APMAP: variants seen among roughly 807,000 people sequenced by gnomAD.
The protein encoded by APMAP is adipocyte plasma membrane-associated protein.
In APMAP, 33 loss-of-function variants were observed where a neutral mutation model predicts 43.6. The observed-to-expected ratio is 0.76, with a 90% CI of 0.57 to 1.01. The LOEUF (loss-of-function observed/expected upper bound fraction) is 1.01. Among genes scored for constraint, APMAP ranks in the 50% least tolerant of loss-of-function variants. APMAP has a pLI of 0.00. For synonymous variants in APMAP, 224 were observed against 216.7 expected (o/e 1.03, Z -0.30); for missense variants, 498 against 540.7 (o/e 0.92, Z 0.78).
intron 4 of APMAP, among the ~76,000 whole-genome samples, chr20:24,971,959 G>A (rs1262767315): frequency 6.6e-6 from 1 of 151,548 alleles, no homozygotes; most frequent in Non-Finnish European, 1.5e-5. Context: ...CTTATTGCAG[G>A]GTGCTCACTG....
chr20:24,976,752 A>C (rs2088052959), intron 3 of APMAP, among the ~76,000 whole-genome samples: 1 of 152,254 alleles, frequency 6.6e-6, no homozygotes, highest in Middle Eastern at 3.2e-3. Flanking sequence ...TACCAGCCTT[A>C]TTCATAACTG....
intron 1 of APMAP, 74 bp from the exon 2 acceptor site, chr20:24,984,093 C>G (rs2088127960): frequency 8.1e-7 from 1 of 1,233,060 alleles, no homozygotes; most frequent in East Asian, 2.4e-5. Context: ...TCCGAAAGCC[C>G]TCCCGGCAGG....
intron 3 of APMAP, among the ~76,000 whole-genome samples, chr20:24,975,526 A>C (rs1055981117): frequency 6.6e-6 from 1 of 152,196 alleles, no homozygotes; most frequent in Admixed American, 6.5e-5. Flanking sequence ...AAATCAAAGA[A>C]CTAAATAAAT....
Position 24,963,972 on chromosome 20 carries a change from G to A in APMAP, c.1092C>T (p.Val364=). The part of the protein sequence containing the change: ...VMKFVPRYSL[V]LELSDSGAFR... Reference sequence around the variant, plus strand: ...AGGCACCGCTGTCGCTGAGTTCTAGGACGAGGCTGTACCGCGGCACAAACT... The same window carrying A: ...AGGCACCGCTGTCGCTGAGTTCTAGAACGAGGCTGTACCGCGGCACAAACT... Residue 364 remains valine (V), a synonymous_variant, in exon 9 of 9, where the codon GTC becomes GTT. Coordinates refer to ENST00000217456, the MANE Select transcript of APMAP (RefSeq NM_020531.3). 6.2e-7 allele frequency: 1 copy of A among 1,614,244 alleles called. No individual in the cohort carries two copies. The highest frequency in any genetic ancestry group is 8.5e-7 in the Non-Finnish European group (1 of 1,180,046).
At chr20:24,984,113 G>C in intron 1 of APMAP, 94 bp from the exon 2 acceptor site, 1 of 944,024 alleles carries the variant, frequency 1.1e-6, no homozygotes, top group Non-Finnish European at 1.6e-6. Flanking sequence ...GAGCAGGGAC[G>C]CTCATCCAGT....
chr20:24,991,334 T>G (rs188440120), intron 1 of APMAP, among the ~76,000 whole-genome samples: 4 of 152,316 alleles, frequency 2.6e-5, no homozygotes, highest in Admixed American at 2.6e-4. Flanking sequence ...TCACAGTAAG[T>G]AGGGTGATCA....
chr20:24,973,207 A>T (rs1233625685), intron 4 of APMAP, among the ~76,000 whole-genome samples: 1 of 152,238 alleles, frequency 6.6e-6, no homozygotes, highest in Non-Finnish European at 1.5e-5. Flanking sequence ...CAAAATTTGA[A>T]TGACTTAAGG....
At chr20:24,971,181 C>G (rs2087995929) in intron 5 of APMAP, among the ~76,000 whole-genome samples, 1 of 152,090 alleles carries the variant, frequency 6.6e-6, no homozygotes, top group Admixed American at 6.5e-5. Context: ...AGAAAGAGGT[C>G]TAACTTCCTC....
At chr20:24,986,249 G>C (rs993786123) in intron 1 of APMAP, among the ~76,000 whole-genome samples, 2 of 152,160 alleles carry the variant, frequency 1.3e-5, no homozygotes, top group East Asian at 3.9e-4. Context: ...CTCATAAGGG[G>C]TTCAGAGCTC....
At chr20:24,975,455 A>G (rs553185266) in intron 3 of APMAP, among the ~76,000 whole-genome samples, 2 of 152,350 alleles carry the variant, frequency 1.3e-5, no homozygotes, top group South Asian at 4.1e-4. Context: ...ATACTTAGGT[A>G]TAAATATAAT....
chr20:24,984,068 G>T, intron 1 of APMAP, 49 bp from the exon 2 acceptor site: 1 of 1,497,336 alleles, frequency 6.7e-7, no homozygotes, highest in South Asian at 1.2e-5. Flanking sequence ...CTCAGACAGT[G>T]ACAAGGTTGG....
At chr20:24,967,561 T>C (rs1369667461) in intron 8 of APMAP, among the ~76,000 whole-genome samples, 1 of 152,238 alleles carries the variant, frequency 6.6e-6, no homozygotes, top group East Asian at 1.9e-4. Context: ...GAAAAACACC[T>C]GCTCTGATGG....
intron 1 of APMAP, 49 bp from the exon 2 acceptor site, chr20:24,984,068 G>A: frequency 6.7e-7 from 1 of 1,497,346 alleles, no homozygotes; most frequent in Non-Finnish European, 9.2e-7. Context: ...CTCAGACAGT[G>A]ACAAGGTTGG....
At chr20:24,964,846 A>G (rs2087929952) in intron 8 of APMAP, among the ~76,000 whole-genome samples, 1 of 152,112 alleles carries the variant, frequency 6.6e-6, no homozygotes, top group Non-Finnish European at 1.5e-5. Context: ...GTCACTGGAA[A>G]TGTTCAAGCA....
intron 2 of APMAP, among the ~76,000 whole-genome samples, chr20:24,980,671 C>T (rs1370922165): frequency 1.3e-5 from 2 of 150,890 alleles, no homozygotes; most frequent in Non-Finnish European, 2.9e-5. Flanking sequence ...CTACCAGCTT[C>T]GCTCAGCCTC....
chr20:24,976,389 T>G (rs1259682121), intron 3 of APMAP, among the ~76,000 whole-genome samples: 2 of 152,154 alleles, frequency 1.3e-5, no homozygotes, highest in African/African-American at 4.8e-5. Flanking sequence ...GCAAAAGGCC[T>G]GAACAGACAC....
rs140630565 is a variant in APMAP, at chr20:24,972,564, C to G, written c.422-988G>C. ...CAAGGTGTTCACTGTGGGGTCCTCA[C>G]TGAAGGTGCTCACTACAGGTGCTTA... is the stretch of plus-strand genomic sequence containing the variant. On this transcript the variant is annotated intron_variant, in intron 4 of 8. Coordinates refer to ENST00000217456, the MANE Select transcript of APMAP (RefSeq NM_020531.3). Among the ~76,000 whole-genome samples, 593 of 143,624 alleles carry G rather than the reference C, an allele frequency of 4.1e-3. 4 individuals carry two copies. Among genetic ancestry groups the G allele is most frequent in the African/African-American group, 0.015 (577 of 38,348 alleles). The allele number at this position is 143,624 out of a possible 152,430, so 94.2% of individuals were successfully genotyped here.
At chr20:24,971,655 C>T (rs2088002093) in intron 4 of APMAP, 79 bp from the exon 5 acceptor site, 2 of 1,097,116 alleles carry the variant, frequency 1.8e-6, no homozygotes, top group African/African-American at 3.1e-5. Context: ...AGCATCTCAT[C>T]CATCCCTTCC....
chr20:24,977,428 T>C (rs1008286409), intron 3 of APMAP, among the ~76,000 whole-genome samples: 4 of 152,206 alleles, frequency 2.6e-5, no homozygotes, highest in African/African-American at 9.7e-5. Flanking sequence ...AAGCCTGCTA[T>C]AGTTGGTGGT....
Sources: gnomAD v4.1 joint callset for allele counts (sites outside exome capture counted in the v4.1 genomes callset) on GRCh38, gnomAD v4.1.1 for gene constraint, MANE v1.5 for transcripts, NCBI Gene and HGNC (gene_info 2026-07-23, HGNC 2026-07-21) for gene names.